Variants in RYK observed in about 807,000 individuals in gnomAD.
RYK encodes the protein inactive tyrosine-protein kinase RYK.
RYK carries 21 observed loss-of-function variants against 70.2 expected under a neutral mutation model. The ratio of observed to expected loss-of-function variants is 0.30; its 90% CI spans 0.21 to 0.43. The LOEUF (loss-of-function observed/expected upper bound fraction) is 0.43, where lower values mean the gene tolerates loss of function less well. Among genes scored for constraint, RYK ranks in the 20% least tolerant of loss-of-function variants. RYK has a pLI of 1.00. For synonymous variants in RYK, 267 were observed against 278.0 expected (o/e 0.96, Z 0.39); for missense variants, 604 against 753.3 (o/e 0.80, Z 2.32).
At chr3:134,240,361 T>G (rs2015293762) in intron 1 of RYK, among the ~76,000 whole-genome samples, 1 of 152,158 alleles carries the variant, frequency 6.6e-6, no homozygotes, top group South Asian at 2.1e-4. Context: ...ATACAGAGAT[T>G]CATTATATTA....
chr3:134,171,301 A>G (rs1199809000), intron 13 of RYK, among the ~76,000 whole-genome samples: 1 of 152,198 alleles, frequency 6.6e-6, no homozygotes, highest in African/African-American at 2.4e-5. Context: ...ACTATTTCTG[A>G]TATAATTTGA....
chr3:134,187,984 C>G (rs1350181971), intron 9 of RYK, among the ~76,000 whole-genome samples: 1 of 151,886 alleles, frequency 6.6e-6, no homozygotes, highest in East Asian at 1.9e-4. Context: ...ATAAATAACA[C>G]TGTAGTATCT....
At chr3:134,204,366 G>A (rs1419399265) in intron 5 of RYK, among the ~76,000 whole-genome samples, 1 of 151,842 alleles carries the variant, frequency 6.6e-6, no homozygotes, top group African/African-American at 2.4e-5. Flanking sequence ...GTGTATGGTG[G>A]TGCGCACCTG....
intron 2 of RYK, among the ~76,000 whole-genome samples, chr3:134,217,564 C>G (rs1261332767): frequency 6.6e-6 from 1 of 152,168 alleles, no homozygotes; most frequent in Non-Finnish European, 1.5e-5. Flanking sequence ...AACTCTGTAT[C>G]AAGTGACAGA....
chr3:134,195,151 A>G lies in RYK; in HGVS notation c.820T>C (p.Ser274Pro). The G allele has an allele frequency of 6.2e-7, 1 of 1,613,280 alleles. No homozygotes were observed. The highest frequency in any genetic ancestry group is 8.5e-7 in the Non-Finnish European group (1 of 1,179,486). ...TGAGTCGTCTGGGTGGATGGCTGAG[A>G]CAGCCCTTGGGAACTACTGCTGGCA... The part of the protein sequence containing the change: ...ISASSSSQGL[S>P]QPSTQTTQYL... The change falls in exon 7 of 15, where the codon TCT (serine) becomes CCT (proline). Residue 274 changes from serine to proline, a missense_variant. Ser to Pro is a moderately conservative substitution (Grantham distance 74). Coordinates refer to ENST00000623711, the MANE Select transcript of RYK (RefSeq NM_002958.4).
chr3:134,213,861 T>G (rs568948610), intron 2 of RYK, among the ~76,000 whole-genome samples: 1 of 152,254 alleles, frequency 6.6e-6, no homozygotes, highest in Non-Finnish European at 1.5e-5. Flanking sequence ...TGGAGTGCAG[T>G]GGCGTGATAT....
chr3:134,163,156 A>T (rs1317720831), intron 13 of RYK, among the ~76,000 whole-genome samples: 1 of 152,190 alleles, frequency 6.6e-6, no homozygotes, highest in Non-Finnish European at 1.5e-5. Context: ...AAGACGCCAT[A>T]AAAAAGAACA....
intron 7 of RYK, among the ~76,000 whole-genome samples, chr3:134,194,758 G>A (rs2013760766): frequency 6.6e-6 from 1 of 152,146 alleles, no homozygotes. Flanking sequence ...CAGCTCAATA[G>A]TTAATTCCAT....
At chr3:134,215,292 G>A (rs778943020) in intron 2 of RYK, among the ~76,000 whole-genome samples, 1 of 152,204 alleles carries the variant, frequency 6.6e-6, no homozygotes, top group Non-Finnish European at 1.5e-5. Flanking sequence ...AGGAGAGAAG[G>A]GAAGGAAATG....
intron 1 of RYK, among the ~76,000 whole-genome samples, chr3:134,241,419 T>A (rs2015325425): frequency 6.6e-6 from 1 of 151,738 alleles, no homozygotes; most frequent in Admixed American, 6.6e-5. Flanking sequence ...TTTTATAATA[T>A]CATATTTCAT....
rs2014253630 is a variant in RYK at position 134,207,517 on chromosome 3, C to T, written c.598G>A (p.Glu200Lys). ...RRKMCYKKLE[E>K]VKTSALDKNT... ...TTGTCCAAGGCTGAAGTTTTTACTT[C>T]TTCAAGTTCTGAATTTAAAGGAGAA... Residue 200 changes from glutamate (E) to lysine (K), a missense_variant, in exon 5 of 15, where the codon GAA becomes AAA. By Grantham distance (56) the Glu-to-Lys change is moderately conservative. Coordinates refer to ENST00000623711, the MANE Select transcript of RYK (RefSeq NM_002958.4). 6.5e-7 allele frequency: 1 copy of T among 1,536,988 alleles called. No homozygotes were observed. Among genetic ancestry groups the T allele is most frequent in the African/African-American group, 1.4e-5 (1 of 72,720 alleles).
At chr3:134,188,247 G>A (rs954007765) in intron 9 of RYK, among the ~76,000 whole-genome samples, 1 of 148,404 alleles carries the variant, frequency 6.7e-6, no homozygotes, top group African/African-American at 2.5e-5. Context: ...TGCATCCTCC[G>A]CCTCTCGGGT....
At chr3:134,244,831 G>A (rs1351033083) in intron 1 of RYK, among the ~76,000 whole-genome samples, 1 of 152,216 alleles carries the variant, frequency 6.6e-6, no homozygotes. Context: ...GGTATTAGCA[G>A]GTAGGGCCCT....
At chr3:134,216,316 T>C (rs2014550352) in intron 2 of RYK, among the ~76,000 whole-genome samples, 1 of 152,094 alleles carries the variant, frequency 6.6e-6, no homozygotes, top group South Asian at 2.1e-4. Context: ...CATAGAAACC[T>C]CACTCTGCAA....
intron 1 of RYK, among the ~76,000 whole-genome samples, chr3:134,241,257 C>T (rs775328321): frequency 1.4e-4 from 21 of 150,588 alleles, no homozygotes; most frequent in African/African-American, 2.2e-4. Flanking sequence ...GCCTTAGGCA[C>T]GACAATCGCT....
At chr3:134,204,294 G>A (rs964241721) in intron 5 of RYK, among the ~76,000 whole-genome samples, 1 of 151,756 alleles carries the variant, frequency 6.6e-6, no homozygotes, top group African/African-American at 2.4e-5. Flanking sequence ...AGGAGTTTGA[G>A]ACCAGCCTGA....
At chr3:134,188,803 G>A (rs756433054) in intron 9 of RYK, 34 bp downstream of exon 9, 2 of 1,292,206 alleles carry the variant, frequency 1.5e-6, no homozygotes, top group Admixed American at 2.0e-5. Context: ...AGACAGAAGA[G>A]CATCATGGAA....
At chr3:134,159,502 C>CA (rs75582300) in intron 13 of RYK, 129 bp from the exon 14 acceptor site, 45,546 of 814,658 alleles carry the variant, frequency 0.056, 4,321 homozygotes, top group South Asian at 0.27. Flanking sequence ...ATGTTATTTA[C>CA]AAAAAAATGT....
At chr3:134,221,626 C>T (rs80225354) in intron 2 of RYK, among the ~76,000 whole-genome samples, 12,578 of 152,042 alleles carry the variant, frequency 0.083, 1,095 homozygotes, top group South Asian at 0.32. Flanking sequence ...ATTTAAATAA[C>T]TTGGAGCAAA....
Sources: allele counts gnomAD v4.1 joint callset (sites outside exome capture counted in the v4.1 genomes callset), GRCh38; gene constraint gnomAD v4.1.1; transcripts MANE v1.5; gene names NCBI Gene and HGNC (gene_info 2026-07-23, HGNC 2026-07-21).